The following NELL1 variants were observed in gnomAD, a reference collection of about 807,000 sequenced individuals.
NELL1 encodes protein kinase C-binding protein NELL1.
Under a neutral mutation model 107.4 loss-of-function variants are expected in NELL1, and 76 were observed. That is an observed-to-expected ratio of 0.71 (90% CI 0.59 to 0.86). The LOEUF (loss-of-function observed/expected upper bound fraction) is 0.86. Ranked by LOEUF, NELL1 falls within the 40% of genes least tolerant of loss-of-function variation. The probability of loss-of-function intolerance (pLI) is 0.00; values close to 1 mark genes in which losing one functional copy is unlikely to be tolerated. For missense variants in NELL1, 1,024 were observed against 1,005.5 expected (o/e 1.02, Z -0.25); for synonymous variants, 353 against 341.2 (o/e 1.03, Z -0.38).
intron 12 of NELL1, among the ~76,000 whole-genome samples, chr11:21,090,701 C>A (rs900285663): frequency 6.6e-6 from 1 of 152,182 alleles, no homozygotes; most frequent in African/African-American, 2.4e-5. Context: ...TTAACAAATA[C>A]CTTCATGAGT....
chr11:21,355,772 A>G (rs1253255750), intron 14 of NELL1, among the ~76,000 whole-genome samples: 4 of 152,156 alleles, frequency 2.6e-5, no homozygotes, highest in African/African-American at 7.2e-5. Flanking sequence ...ATTCATAAAA[A>G]CTTTTTCAAA....
At chr11:21,368,851 TA>T (rs1386399286) in intron 14 of NELL1, among the ~76,000 whole-genome samples, 3 of 152,098 alleles carry the variant, frequency 2.0e-5, no homozygotes, top group African/African-American at 7.2e-5. Flanking sequence ...TTTAACAGGA[TA>T]TTTATATAAC....
At chr11:20,908,298 A>C (rs746165707) in intron 5 of NELL1, among the ~76,000 whole-genome samples, 6 of 152,230 alleles carry the variant, frequency 3.9e-5, no homozygotes, top group Non-Finnish European at 7.3e-5. Context: ...ACATGGAACT[A>C]ACCCAAATTC....
At chr11:21,017,248 G>A (rs190898272) in intron 12 of NELL1, among the ~76,000 whole-genome samples, 16 of 152,268 alleles carry the variant, frequency 1.1e-4, no homozygotes, top group African/African-American at 3.6e-4. Flanking sequence ...CTGGGCAAAT[G>A]TGACAGCCAC....
intron 12 of NELL1, among the ~76,000 whole-genome samples, chr11:20,988,467 G>GTA (rs1274695705): frequency 6.7e-6 from 1 of 149,512 alleles, no homozygotes; most frequent in Non-Finnish European, 1.5e-5. Flanking sequence ...ATATATGTGT[G>GTA]TATATATATC....
At chr11:21,355,016 G>C (rs1850901201) in intron 14 of NELL1, among the ~76,000 whole-genome samples, 1 of 152,086 alleles carries the variant, frequency 6.6e-6, no homozygotes, top group African/African-American at 2.4e-5. Flanking sequence ...TGTAAATGTT[G>C]AATGCCAAAT....
intron 4 of NELL1, among the ~76,000 whole-genome samples, chr11:20,875,229 C>T (rs1849280274): frequency 6.6e-6 from 1 of 152,060 alleles, no homozygotes; most frequent in Non-Finnish European, 1.5e-5. Flanking sequence ...ATCTCACATT[C>T]TGTTTTTAAG....
At chr11:21,045,026 C>T (rs1243086947) in intron 12 of NELL1, among the ~76,000 whole-genome samples, 3 of 152,176 alleles carry the variant, frequency 2.0e-5, no homozygotes, top group South Asian at 4.1e-4. Flanking sequence ...TGGGCAAGTA[C>T]ATCGGAAAAC....
intron 2 of NELL1, among the ~76,000 whole-genome samples, chr11:20,690,470 G>T (rs1320422501): frequency 6.6e-6 from 1 of 151,736 alleles, no homozygotes; most frequent in African/African-American, 2.4e-5. Flanking sequence ...TAAGGTGTAA[G>T]GAAGGGATCC....
Position 20,989,304 on chromosome 11 carries a change from C to T in NELL1, c.1300+28744C>T, listed in dbSNP as rs77891023. ...GTTTGCAGTGGGTAAGGCAGATGGGCTCCATTCTTGGGTATTAGCATGTTC... is the reference window on the plus strand; with the variant it reads ...GTTTGCAGTGGGTAAGGCAGATGGGTTCCATTCTTGGGTATTAGCATGTTC... On this transcript the variant is annotated intron_variant, in intron 12 of 19. Transcript: ENST00000357134. Among the ~76,000 whole-genome samples, 611 of 152,266 alleles carry T rather than the reference C, an allele frequency of 4.0e-3. 8 individuals are homozygous for T. Among genetic ancestry groups the T allele is most frequent in the African/African-American group, 0.014 (574 of 41,560 alleles).
chr11:20,896,130 A>G (rs1849732598), intron 5 of NELL1, among the ~76,000 whole-genome samples: 1 of 151,694 alleles, frequency 6.6e-6, no homozygotes, highest in South Asian at 2.1e-4. Context: ...TTTATCCCTC[A>G]CCCTCTCTCA....
intron 14 of NELL1, among the ~76,000 whole-genome samples, chr11:21,249,004 C>T (rs1005305664): frequency 5.9e-5 from 9 of 152,140 alleles, no homozygotes; most frequent in Non-Finnish European, 8.8e-5. Context: ...GAACCAGATC[C>T]TGATGATACT....
At chr11:21,376,250 T>A (rs1851475037) in intron 15 of NELL1, among the ~76,000 whole-genome samples, 1 of 152,142 alleles carries the variant, frequency 6.6e-6, no homozygotes, top group Admixed American at 6.6e-5. Flanking sequence ...GAGTCCAGTT[T>A]TATTCTTGTG....
intron 14 of NELL1, among the ~76,000 whole-genome samples, chr11:21,312,759 G>GAA (rs1308580646): frequency 4.6e-5 from 7 of 152,128 alleles, no homozygotes. Flanking sequence ...ATGGATAAGT[G>GAA]AAATAGACAG....
At chr11:21,042,703 A>G (rs1853265457) in intron 12 of NELL1, among the ~76,000 whole-genome samples, 1 of 152,104 alleles carries the variant, frequency 6.6e-6, no homozygotes, top group African/African-American at 2.4e-5. Context: ...GTACTTTGCC[A>G]TACTGACCTG....
At position 21,335,861 on chromosome 11, in the gene NELL1, C is replaced by T. The variant is rs373303036; in HGVS notation, c.1550-34992C>T. 1.8e-3 allele frequency among the ~76,000 whole-genome samples: 276 copies of T among 152,066 alleles called. 9 individuals carry two copies. The South Asian group carries it at 0.054, about 30-fold the overall frequency. On this transcript the variant is annotated intron_variant, in intron 14 of 19. Transcript: ENST00000357134. ...AAATCATCTCTGTTTGCATGTTCAG[C>T]CCAGCCCAAAAGACAGAGGCAATAG...
chr11:21,255,629 T>C (rs1858748906), intron 14 of NELL1, among the ~76,000 whole-genome samples: 2 of 152,124 alleles, frequency 1.3e-5, no homozygotes, highest in South Asian at 4.1e-4. Flanking sequence ...CTGTGTCTCC[T>C]CTTCCTTTCC....
At chr11:21,297,679 A>T (rs1052695815) in intron 14 of NELL1, among the ~76,000 whole-genome samples, 4 of 152,048 alleles carry the variant, frequency 2.6e-5, no homozygotes, top group Non-Finnish European at 5.9e-5. Flanking sequence ...CTGAGACTGC[A>T]GCTCTGAAAA....
In NELL1 at chr11:21,421,889, G is replaced by A. The variant is rs373270505; in HGVS notation, c.1645+50941G>A. ...CCCCAAAACAAAGATAATCTGGAAAGCGGCAAGAGAGAAGTGACTCATCAC... is the reference window on the plus strand; with the variant it reads ...CCCCAAAACAAAGATAATCTGGAAAACGGCAAGAGAGAAGTGACTCATCAC... On this transcript the variant is annotated intron_variant, in intron 15 of 19. Transcript: ENST00000357134. Among the ~76,000 whole-genome samples, 122 of 152,238 alleles carry A rather than the reference G, an allele frequency of 8.0e-4. No individual in the cohort carries two copies. The East Asian group carries it at 0.015, about 19-fold the overall frequency.
Sources: gnomAD v4.1 joint callset for allele counts (sites outside exome capture counted in the v4.1 genomes callset) on GRCh38, gnomAD v4.1.1 for gene constraint, MANE v1.5 for transcripts, NCBI Gene and HGNC (gene_info 2026-07-23, HGNC 2026-07-21) for gene names.